Variants in SFMBT2 observed in about 807,000 individuals in gnomAD.
SFMBT2 encodes Scm like with four mbt domains 2, also known as scm-like with four MBT domains protein 2.
Under a neutral mutation model 110.1 loss-of-function variants are expected in SFMBT2, and 38 were observed. The observed-to-expected ratio is 0.35, with a 90% CI of 0.27 to 0.45. The LOEUF is 0.45. Ranked by LOEUF, SFMBT2 falls within the 20% of genes least tolerant of loss-of-function variation. The probability of loss-of-function intolerance (pLI) is 1.00; values close to 1 mark genes in which losing one functional copy is unlikely to be tolerated. For missense variants in SFMBT2, 1,011 were observed against 1,094.9 expected, an observed-to-expected ratio of 0.92 and a Z score of 1.08; for synonymous variants, 425 against 425.4, an observed-to-expected ratio of 1.00 and a Z score of 0.01.
intron 9 of SFMBT2, among the ~76,000 whole-genome samples, chr10:7,231,703 C>T (rs1210010637): frequency 1.3e-4 from 4 of 30,496 alleles, no homozygotes; most frequent in Admixed American, 7.9e-4. Context: ...TTAATTATTC[C>T]GTCCCTAGAA....
chr10:7,194,939 T>C (rs1015183168), intron 15 of SFMBT2, among the ~76,000 whole-genome samples: 2 of 152,236 alleles, frequency 1.3e-5, no homozygotes, highest in African/African-American at 4.8e-5. Flanking sequence ...CAAGGTCATC[T>C]TGTGTGTTAA....
intron 2 of SFMBT2, 92 bp from the exon 3 acceptor site, chr10:7,370,467 A>C: frequency 9.4e-7 from 1 of 1,060,330 alleles, no homozygotes; most frequent in Non-Finnish European, 1.4e-6. Flanking sequence ...CCTTCATACA[A>C]GACACAAGCT....
intron 4 of SFMBT2, among the ~76,000 whole-genome samples, chr10:7,290,096 C>G (rs527636247): frequency 6.6e-6 from 1 of 152,006 alleles, no homozygotes; most frequent in Non-Finnish European, 1.5e-5. Context: ...CAAAACCTGC[C>G]CTGCGCCCAA....
At position 7,171,966 on chromosome 10, in the gene SFMBT2, G is replaced by A. The variant is rs1039284842; in HGVS notation, c.2344C>T (p.Arg782Cys). 1.3e-5 allele frequency: 19 copies of A among 1,501,024 alleles called. No homozygotes were observed. The highest frequency in any genetic ancestry group is 2.3e-5 in the Admixed American group (1 of 43,884). The allele number at this position is 1,501,024 out of a possible 1,614,324, so 93.0% of individuals were successfully genotyped here. A position where few individuals can be genotyped will look rare whatever the true frequency, so the allele number is the denominator to read the frequency against. The change falls in exon 19 of 21, where the codon CGC (arginine) becomes TGC (cysteine). Residue 782 changes from arginine to cysteine, a missense_variant. By Grantham distance (180) the Arg-to-Cys change is radical. Coordinates refer to ENST00000397167, the MANE Select transcript of SFMBT2 (RefSeq NM_001387889.1). This position sits in a 1 kb window ranked among gnomAD's most constrained non-coding sequence, Gnocchi z 4.9. ...RPPPERTRRGRGAPAASSAEE... is the reference protein window; with the variant it reads ...RPPPERTRRGCGAPAASSAEE... ...GCTGAGGAGGCAGCCGGCGCCCCGCGGCCCCTTCGTGTCCTCTCTGGGGGT... is the reference window on the plus strand; with the variant it reads ...GCTGAGGAGGCAGCCGGCGCCCCGCAGCCCCTTCGTGTCCTCTCTGGGGGT...
In SFMBT2 at chr10:7,301,655, C is replaced by T. The variant is rs140754142; in HGVS notation, c.437-15701G>A. ...AGACTGCAATGAGAGGGAGGAGCTG[C>T]AGCTCCAAGTTGGGCCATTTACTAT... On this transcript the variant is annotated intron_variant, in intron 4 of 20. Transcript: ENST00000397167. This position sits in a 1 kb window ranked among gnomAD's most constrained non-coding sequence, Gnocchi z 4.2. 2.8e-3 allele frequency among the ~76,000 whole-genome samples: 426 copies of T among 152,280 alleles called. 1 individual carries two copies. The highest frequency in any genetic ancestry group is 6.3e-3 in the Admixed American group (96 of 15,296).
chr10:7,280,657 A>C (rs534798217), intron 6 of SFMBT2, among the ~76,000 whole-genome samples: 1 of 152,340 alleles, frequency 6.6e-6, no homozygotes, highest in East Asian at 1.9e-4. Flanking sequence ...AGAAAAGGCC[A>C]ATCTCTTGAT....
chr10:7,229,148 T>A (rs1406483330), intron 9 of SFMBT2, among the ~76,000 whole-genome samples: 1 of 152,126 alleles, frequency 6.6e-6, no homozygotes, highest in Non-Finnish European at 1.5e-5. Flanking sequence ...TCTAAGAGAT[T>A]TCTTATGTTT....
intron 16 of SFMBT2, among the ~76,000 whole-genome samples, chr10:7,178,356 C>T (rs548825734): frequency 1.7e-4 from 26 of 152,184 alleles, no homozygotes; most frequent in Non-Finnish European, 3.4e-4. Flanking sequence ...TTTCAACGCA[C>T]TAGGAAAACG....
At chr10:7,380,838 C>G (rs1324628692) in intron 2 of SFMBT2, among the ~76,000 whole-genome samples, 2 of 152,100 alleles carry the variant, frequency 1.3e-5, no homozygotes, top group East Asian at 3.9e-4. Flanking sequence ...TCACTTGAGC[C>G]TAGTAGTTTA....
chr10:7,405,383 G>A (rs1161975494), intron 1 of SFMBT2, among the ~76,000 whole-genome samples: 2 of 152,218 alleles, frequency 1.3e-5, no homozygotes, highest in Non-Finnish European at 2.9e-5. Context: ...ATACCTTTAT[G>A]GGGTTATGTG....
chr10:7,236,494 G>C (rs1395898719), intron 9 of SFMBT2, among the ~76,000 whole-genome samples: 1 of 152,188 alleles, frequency 6.6e-6, no homozygotes, highest in African/African-American at 2.4e-5. Flanking sequence ...CCCACAAAGG[G>C]ATGGATCCAT....
At chr10:7,251,635 C>T (rs563006841) in intron 7 of SFMBT2, among the ~76,000 whole-genome samples, 2 of 152,290 alleles carry the variant, frequency 1.3e-5, no homozygotes, top group South Asian at 2.1e-4. Flanking sequence ...AATAATAAAG[C>T]GTAGCCTGAA....
rs1487548874 is a variant in SFMBT2 at position 7,188,682 on chromosome 10, C to G, written c.1750G>C (p.Glu584Gln). The change falls in exon 16 of 21, where the codon GAA becomes CAA. Residue 584 changes from glutamate to glutamine, a missense_variant. Coordinates refer to ENST00000397167, the MANE Select transcript of SFMBT2 (RefSeq NM_001387889.1). ...TGGGGATCTTCTACCAGCTGTAATT[C>G]TCTTAATACCCTTCCAGGCTTGTAG... Reference protein sequence around the residue: ...AAYKPGRVLRELQLVEDPHWN... With the variant: ...AAYKPGRVLRQLQLVEDPHWN... 6.2e-7 allele frequency: 1 copy of G among 1,613,594 alleles called. No individual in the cohort carries two copies.
At chr10:7,349,872 G>C (rs1194654838) in intron 4 of SFMBT2, among the ~76,000 whole-genome samples, 2 of 152,164 alleles carry the variant, frequency 1.3e-5, no homozygotes, top group African/African-American at 4.8e-5. Context: ...TTCAAGGACA[G>C]TATTTGATGG....
At chr10:7,222,906 T>C (rs1275657548) in intron 10 of SFMBT2, among the ~76,000 whole-genome samples, 1 of 152,098 alleles carries the variant, frequency 6.6e-6, no homozygotes, top group African/African-American at 2.4e-5. Context: ...TCCTGACATC[T>C]TGGCCTCCCT....
At chr10:7,386,566 C>T (rs550695411) in intron 1 of SFMBT2, among the ~76,000 whole-genome samples, 1 of 152,252 alleles carries the variant, frequency 6.6e-6, no homozygotes, top group African/African-American at 2.4e-5. Context: ...TGATATCATG[C>T]CACTGCACTC....
rs573001027 is a variant in SFMBT2, at chr10:7,265,672, G to A, written c.870+11220C>T. Among the ~76,000 whole-genome samples the A allele has an allele frequency of 2.0e-5, 3 of 152,300 alleles. No individual in the cohort carries two copies. The East Asian group carries it at 5.8e-4, about 29-fold the overall frequency. On this transcript the variant is annotated intron_variant, in intron 7 of 20. Transcript: ENST00000397167. ...GTAAACTCACCATCCCATAAATGGA[G>A]CCATTCCCCTCTTAGGCTAGTCATC...
intron 8 of SFMBT2, among the ~76,000 whole-genome samples, chr10:7,245,552 C>A (rs1399435649): frequency 3.3e-5 from 5 of 152,222 alleles, no homozygotes; most frequent in Non-Finnish European, 7.3e-5. Flanking sequence ...TCTATCCAGT[C>A]CATAACCCAC....
At chr10:7,303,021 A>C (rs2131885259) in intron 4 of SFMBT2, among the ~76,000 whole-genome samples, 1 of 152,356 alleles carries the variant, frequency 6.6e-6, no homozygotes, top group South Asian at 2.1e-4. Flanking sequence ...TAAAAAAAAA[A>C]AAATGCTGCA....
Sources: allele counts gnomAD v4.1 joint callset (sites outside exome capture counted in the v4.1 genomes callset), GRCh38; gene constraint gnomAD v4.1.1; non-coding constraint Gnocchi (gnomAD v3.1); transcripts MANE v1.5; gene names NCBI Gene and HGNC (gene_info 2026-07-23, HGNC 2026-07-21).